ADAMTSL1: variants seen among roughly 807,000 people sequenced by gnomAD.
The protein encoded by ADAMTSL1 is ADAMTS-like protein 1.
In ADAMTSL1, 126 loss-of-function variants were observed where a neutral mutation model predicts 201.8. The observed-to-expected ratio is 0.62, with a 90% CI of 0.54 to 0.72. The LOEUF (loss-of-function observed/expected upper bound fraction) is 0.72, where lower values mean the gene tolerates loss of function less well. Ranked by LOEUF, ADAMTSL1 falls within the 30% of genes least tolerant of loss-of-function variation. The probability of loss-of-function intolerance (pLI) is 0.00; values close to 1 mark genes in which losing one functional copy is unlikely to be tolerated. For synonymous variants in ADAMTSL1, 1,121 were observed against 903.4 expected (o/e 1.24, Z -4.32); for missense variants, 2,679 against 2,277.8 (o/e 1.18, Z -3.59).
At chr9:18,211,543 C>T (rs1563810737) in intron 2 of ADAMTSL1, among the ~76,000 whole-genome samples, 2 of 152,230 alleles carry the variant, frequency 1.3e-5, no homozygotes, top group South Asian at 4.1e-4. Flanking sequence ...CTGTCCTCTA[C>T]TTCAGGGACT....
chr9:18,466,604 A>T (rs1225881345), intron 2 of ADAMTSL1, among the ~76,000 whole-genome samples: 2 of 152,194 alleles, frequency 1.3e-5, no homozygotes, highest in Non-Finnish European at 2.9e-5. Flanking sequence ...TGTACACCAT[A>T]AATATATGCA....
intron 2 of ADAMTSL1, among the ~76,000 whole-genome samples, chr9:18,196,446 G>A (rs1192455793): frequency 6.6e-6 from 1 of 152,032 alleles, no homozygotes; most frequent in Non-Finnish European, 1.5e-5. Flanking sequence ...TGTGGCTGTT[G>A]CAGCCAACCA....
intron 1 of ADAMTSL1, among the ~76,000 whole-genome samples, chr9:18,491,306 C>A (rs1822260973): frequency 6.6e-6 from 1 of 152,162 alleles, no homozygotes; most frequent in Non-Finnish European, 1.5e-5. Flanking sequence ...TTTGGTAATT[C>A]TAACACTGCC....
chr9:18,877,499 C>T (rs142576884), intron 23 of ADAMTSL1, among the ~76,000 whole-genome samples: 1 of 152,284 alleles, frequency 6.6e-6, no homozygotes, highest in East Asian at 1.9e-4. Flanking sequence ...AGTTATTTCT[C>T]TTCTGGGTTT....
chr9:18,505,976 T>C (rs1817620726), intron 2 of ADAMTSL1, among the ~76,000 whole-genome samples: 1 of 152,208 alleles, frequency 6.6e-6, no homozygotes, highest in Admixed American at 6.5e-5. Context: ...TAGATGGTTC[T>C]TCATTGAAAC....
intron 1 of ADAMTSL1, among the ~76,000 whole-genome samples, chr9:17,976,869 A>T (rs1818473410): frequency 6.6e-6 from 1 of 151,944 alleles, no homozygotes; most frequent in South Asian, 2.1e-4. Flanking sequence ...TATCAATACA[A>T]TTTTGAATAT....
At chr9:18,090,566 G>C (rs547185461) in intron 1 of ADAMTSL1, among the ~76,000 whole-genome samples, 1 of 152,278 alleles carries the variant, frequency 6.6e-6, no homozygotes, top group East Asian at 1.9e-4. Context: ...CAGAAAAATA[G>C]AGTGGTGGTT....
At chr9:18,635,200 TC>T (rs1031723883) in intron 5 of ADAMTSL1, among the ~76,000 whole-genome samples, 1 of 152,034 alleles carries the variant, frequency 6.6e-6, no homozygotes, top group African/African-American at 2.4e-5. Flanking sequence ...CAAATGGAGT[TC>T]TGAATAAGAA....
intron 1 of ADAMTSL1, among the ~76,000 whole-genome samples, chr9:17,932,757 G>T (rs57906718): frequency 0.03 from 4,635 of 152,198 alleles, 248 homozygotes; most frequent in African/African-American, 0.11. Flanking sequence ...TAAGTAATCT[G>T]CTTATTACAA....
At chr9:18,024,549 G>GA (rs1438173379) in intron 1 of ADAMTSL1, among the ~76,000 whole-genome samples, 2 of 152,052 alleles carry the variant, frequency 1.3e-5, no homozygotes, top group Admixed American at 6.6e-5. Flanking sequence ...AATTTGCTTA[G>GA]AAAAATGGCT....
At chr9:18,696,597 G>C (rs1831563510) in intron 13 of ADAMTSL1, among the ~76,000 whole-genome samples, 1 of 152,134 alleles carries the variant, frequency 6.6e-6, no homozygotes, top group Non-Finnish European at 1.5e-5. Context: ...TGGTAGTCCA[G>C]CAGAAAGACG....
chr9:18,658,799 G>A (rs1177798729), intron 8 of ADAMTSL1, among the ~76,000 whole-genome samples: 3 of 152,076 alleles, frequency 2.0e-5, no homozygotes, highest in African/African-American at 7.2e-5. Flanking sequence ...AAATCATTTA[G>A]TTCCTTTAAC....
intron 2 of ADAMTSL1, among the ~76,000 whole-genome samples, chr9:18,436,890 G>C (rs1315749107): frequency 6.6e-6 from 1 of 152,140 alleles, no homozygotes; most frequent in Non-Finnish European, 1.5e-5. Flanking sequence ...AGATACACCC[G>C]TAAGGAAGGC....
chr9:17,965,701 A>G (rs150488894), intron 1 of ADAMTSL1, among the ~76,000 whole-genome samples: 151 of 152,242 alleles, frequency 9.9e-4, no homozygotes, highest in African/African-American at 3.4e-3. Context: ...TTTCAATTCA[A>G]TTGGGCTTGA....
At chr9:18,000,434 A>G (rs1283682182) in intron 1 of ADAMTSL1, among the ~76,000 whole-genome samples, 1 of 151,716 alleles carries the variant, frequency 6.6e-6, no homozygotes, top group Non-Finnish European at 1.5e-5. Flanking sequence ...CTTTAGCTTT[A>G]CCTGTCTCTC....
intron 23 of ADAMTSL1, among the ~76,000 whole-genome samples, chr9:18,844,872 G>A (rs375838829): frequency 3.9e-5 from 6 of 152,312 alleles, no homozygotes; most frequent in South Asian, 2.1e-4. Context: ...CTGGTGTGCC[G>A]TTTTTTAAGC....
At chr9:18,713,924 T>A (rs1366707971) in intron 14 of ADAMTSL1, among the ~76,000 whole-genome samples, 1 of 149,308 alleles carries the variant, frequency 6.7e-6, no homozygotes, top group Non-Finnish European at 1.5e-5. Context: ...GCAATCAAAC[T>A]AGAACTCAGG....
intron 1 of ADAMTSL1, among the ~76,000 whole-genome samples, chr9:17,973,096 T>G (rs562708287): frequency 1.7e-5 from 1 of 59,486 alleles, no homozygotes. Context: ...TGCAAAAATT[T>G]TCTCCCATTC....
At chr9:18,084,092 A>G (rs1453074386) in intron 1 of ADAMTSL1, among the ~76,000 whole-genome samples, 2 of 152,086 alleles carry the variant, frequency 1.3e-5, no homozygotes, top group African/African-American at 4.8e-5. Context: ...AAGTTTCCCT[A>G]CCTCCCAAAC....
Sources: allele counts gnomAD v4.1 joint callset (sites outside exome capture counted in the v4.1 genomes callset), GRCh38; gene constraint gnomAD v4.1.1; transcripts MANE v1.5; gene names NCBI Gene and HGNC (gene_info 2026-07-23, HGNC 2026-07-21).